The following KIAA1586 variants were observed in gnomAD, a reference collection of about 807,000 sequenced individuals.
KIAA1586 encodes E3 SUMO-protein ligase KIAA1586.
Under a neutral mutation model 6.1 loss-of-function variants are expected in KIAA1586, and 5 were observed. The observed-to-expected ratio is 0.82, with a 90% CI of 0.43 to 1.73. The LOEUF (loss-of-function observed/expected upper bound fraction) is 1.73, where lower values mean the gene tolerates loss of function less well. KIAA1586 is among the 40% of genes most tolerant of loss of function. The pLI is 0.02. For missense variants in KIAA1586, 899 were observed against 878.2 expected (o/e 1.02, Z -0.30); for synonymous variants, 280 against 301.7 (o/e 0.93, Z 0.75).
At chr6:57,064,465 G>A in the KIAA1586 span, among the ~76,000 whole-genome samples, 2 of 152,214 alleles carry the variant, frequency 1.3e-5, no homozygotes, top group African/African-American at 2.4e-5. Flanking sequence ...TGTGGTAGAT[G>A]TATGGTCAGC....
In KIAA1586 at chr6:57,052,943, A is replaced by C; in HGVS notation, c.444A>C (p.Gln148His). Residue 148 changes from glutamine to histidine, a missense_variant, in exon 4 of 4, where the codon CAA becomes CAC. Transcript: ENST00000370733. The stretch of plus-strand genomic sequence containing the variant: ...AACAAGCATTTATGTTTACAGAACA[A>C]TACAAATGGCTTGAAATAAAAGAAG... The part of the protein sequence containing the change: ...NEKQAFMFTE[Q>H]YKWLEIKEGK... 3 of 1,613,890 alleles carry C rather than the reference A, an allele frequency of 1.9e-6. No individual in the cohort carries two copies. The highest frequency in any genetic ancestry group is 2.5e-6 in the Non-Finnish European group (3 of 1,179,864).
In KIAA1586 at chr6:57,053,768, A is replaced by G. The variant is rs781314305; in HGVS notation, c.1269A>G (p.Leu423=). The G allele has an allele frequency of 3.2e-6, 5 of 1,584,528 alleles. No individual in the cohort carries two copies. The highest frequency in any genetic ancestry group is 2.6e-6 in the Non-Finnish European group (3 of 1,165,126). The change falls in exon 4 of 4, where the codon TTA becomes TTG. Residue 423 remains leucine (L), a synonymous_variant. Transcript: ENST00000370733. ...IIIWNCLNHR[L]QLSLDDSISE... The stretch of plus-strand genomic sequence containing the variant: ...TTTGGAACTGTTTAAATCATCGATT[A>G]CAATTGTCACTTGATGATTCTATAT...
At chr6:57,062,551 T>C in the KIAA1586 span, among the ~76,000 whole-genome samples, 1 of 152,178 alleles carries the variant, frequency 6.6e-6, no homozygotes, top group Non-Finnish European at 1.5e-5. Context: ...ATTCAAAGTA[T>C]TCCTAGAAGA....
the KIAA1586 span, among the ~76,000 whole-genome samples, chr6:57,062,297 T>C: frequency 6.6e-6 from 1 of 152,362 alleles, no homozygotes; most frequent in Middle Eastern, 3.4e-3. Flanking sequence ...TAATATCCTT[T>C]TCTGTAGAGG....
downstream of KIAA1586, among the ~76,000 whole-genome samples, chr6:57,057,379 A>G (rs1266929078): frequency 6.6e-6 from 1 of 152,212 alleles, no homozygotes; most frequent in African/African-American, 2.4e-5. Context: ...TAATTTGAGA[A>G]ACTACCCAAG....
chr6:57,055,049 C>A lies in KIAA1586; in HGVS notation c.*186C>A, dbSNP rs1192446775. ...AGCTATAGTTTTTTAGAGATTGGCC[C>A]ATGTTTGCTAGAGTGGGTCATAATA... On this transcript the variant is annotated 3_prime_UTR_variant, in exon 4 of 4. Transcript: ENST00000370733. The A allele has an allele frequency of 1.6e-6, 1 of 613,182 alleles. No individual in the cohort carries two copies. 38.0% of individuals were successfully genotyped at this position (613,182 alleles called of 1,614,324 possible).
chr6:57,057,097 A>G (rs1293881147), downstream of KIAA1586, among the ~76,000 whole-genome samples: 2 of 151,822 alleles, frequency 1.3e-5, no homozygotes, highest in Non-Finnish European at 2.9e-5. Flanking sequence ...GCCTGGTGGC[A>G]TGCACCTGTA....
rs770232958 is a variant in KIAA1586 at position 57,054,682 on chromosome 6, A to T, written c.2183A>T (p.Asp728Val). 2 of 1,554,298 alleles carry T rather than the reference A, an allele frequency of 1.3e-6. No individual in the cohort carries two copies. Among genetic ancestry groups the T allele is most frequent in the Non-Finnish European group, 1.7e-6 (2 of 1,147,814 alleles). The change falls in exon 4 of 4, where the codon GAT (aspartate) becomes GTT (valine). Residue 728 changes from aspartate to valine, a missense_variant. Physicochemically the swap from Asp to Val is radical, Grantham distance 152. Coordinates refer to ENST00000370733, the MANE Select transcript of KIAA1586 (RefSeq NM_020931.4). ...AGGGTGAGAAATAGTTTAACAATAG[A>T]TCATGTATCAGATTTAATGACAATA... ...CTRVRNSLTI[D>V]HVSDLMTINL...
intron 2 of KIAA1586, among the ~76,000 whole-genome samples, chr6:57,050,323 T>C (rs1404940589): frequency 6.6e-6 from 1 of 151,708 alleles, no homozygotes; most frequent in Non-Finnish European, 1.5e-5. Context: ...CATGCCTCTT[T>C]TTTTTTTTTA....
Position 57,050,850 on chromosome 6 carries a change from G to A in KIAA1586, c.182G>A (p.Ser61Asn). The A allele has an allele frequency of 6.2e-7, 1 of 1,603,830 alleles. No individual in the cohort carries two copies. Among genetic ancestry groups the A allele is most frequent in the Non-Finnish European group, 8.5e-7 (1 of 1,170,790 alleles). The change falls in exon 3 of 4, where the codon AGT becomes AAT. Residue 61 changes from serine to asparagine, a missense_variant. Ser to Asn is a conservative substitution (Grantham distance 46, BLOSUM62 1). Coordinates refer to ENST00000370733, the MANE Select transcript of KIAA1586 (RefSeq NM_020931.4). ...GDDENPSAYY[S>N]DILFPKMPKR... ...GATGAAAACCCTAGCGCCTATTATA[G>A]TGATGTAAGCACATTATATTTGTGT...
the KIAA1586 span, among the ~76,000 whole-genome samples, chr6:57,065,781 G>T: frequency 1.3e-5 from 2 of 152,202 alleles, no homozygotes; most frequent in East Asian, 3.9e-4. Flanking sequence ...TCAATTCAGA[G>T]AAATTTTATT....
chr6:57,064,016 T>G, the KIAA1586 span, among the ~76,000 whole-genome samples: 2 of 152,302 alleles, frequency 1.3e-5, no homozygotes, highest in South Asian at 4.1e-4. Context: ...ACATGTGCCG[T>G]GTAAGACATC....
chr6:57,063,153 A>G, the KIAA1586 span, among the ~76,000 whole-genome samples: 1 of 152,140 alleles, frequency 6.6e-6, no homozygotes, highest in African/African-American at 2.4e-5. Context: ...TAAGTTTCAT[A>G]GTTATTCTGC....
At chr6:57,059,323 T>G (rs1434239688), downstream of KIAA1586, among the ~76,000 whole-genome samples, 1 of 152,202 alleles carries the variant, frequency 6.6e-6, no homozygotes, top group African/African-American at 2.4e-5. Context: ...CCAGGCGCAC[T>G]GGCTCATGCC....
chr6:57,052,002 A>G (rs1323496136), intron 3 of KIAA1586, among the ~76,000 whole-genome samples: 2 of 152,130 alleles, frequency 1.3e-5, no homozygotes, highest in Admixed American at 1.3e-4. Flanking sequence ...TAAACTCTTC[A>G]TTAGTTCGGA....
At chr6:57,065,257 A>G in the KIAA1586 span, among the ~76,000 whole-genome samples, 2 of 151,964 alleles carry the variant, frequency 1.3e-5, no homozygotes, top group Non-Finnish European at 2.9e-5. Context: ...TTTTGTTCCT[A>G]ATTTTTCCTT....
downstream of KIAA1586, among the ~76,000 whole-genome samples, chr6:57,055,633 A>G (rs1371787616): frequency 1.3e-5 from 2 of 152,220 alleles, no homozygotes; most frequent in East Asian, 3.8e-4. Context: ...TGTGTAAATT[A>G]TAACTGGTAA....
the KIAA1586 span, among the ~76,000 whole-genome samples, chr6:57,064,166 A>G: frequency 6.6e-6 from 1 of 152,250 alleles, no homozygotes; most frequent in South Asian, 2.1e-4. Context: ...TTCTTTGAAG[A>G]TACATATTTC....
At chr6:57,062,940 A>G in the KIAA1586 span, among the ~76,000 whole-genome samples, 5 of 152,104 alleles carry the variant, frequency 3.3e-5, no homozygotes, top group South Asian at 6.2e-4. Context: ...AGTCCCATCC[A>G]TCTACTTAGG....
Sources: gnomAD v4.1 joint callset for allele counts (sites outside exome capture counted in the v4.1 genomes callset) on GRCh38, gnomAD v4.1.1 for gene constraint, MANE v1.5 for transcripts, NCBI Gene and HGNC (gene_info 2026-07-23, HGNC 2026-07-21) for gene names.